Variants in MTMR10 observed in about 807,000 individuals in gnomAD.
The protein encoded by MTMR10 is myotubularin related protein 10, also known as myotubularin-related protein 10.
Under a neutral mutation model 88.1 loss-of-function variants are expected in MTMR10, and 56 were observed. That is an observed-to-expected ratio of 0.64 (90% CI 0.51 to 0.79). The LOEUF is 0.79. Among genes scored for constraint, MTMR10 ranks in the 30% least tolerant of loss-of-function variants. The pLI is 0.00. For missense variants in MTMR10, 883 were observed against 924.7 expected (o/e 0.95, Z 0.58); for synonymous variants, 380 against 340.9 (o/e 1.11, Z -1.26).
the MTMR10 span, chr15:30,929,179 C>T: frequency 6.2e-7 from 1 of 1,605,936 alleles, no homozygotes; most frequent in Non-Finnish European, 8.5e-7. Flanking sequence ...CACAGTATGA[C>T]AGCTTGCTTT....
downstream of MTMR10, among the ~76,000 whole-genome samples, chr15:30,937,888 TA>T (rs1218587495): frequency 3.3e-5 from 5 of 150,886 alleles, no homozygotes; most frequent in African/African-American, 9.7e-5. Context: ...GTTTTTTTTA[TA>T]AAAAAGTAGT....
the MTMR10 span, chr15:30,928,334 T>C: frequency 7.7e-7 from 1 of 1,301,716 alleles, no homozygotes; most frequent in African/African-American, 1.5e-5. Context: ...CTATGATTAC[T>C]AAGATTTTTG....
chr15:30,933,669 G>A, the MTMR10 span, among the ~76,000 whole-genome samples: 1 of 152,034 alleles, frequency 6.6e-6, no homozygotes, highest in Admixed American at 6.5e-5. Flanking sequence ...AGTTGTCTGT[G>A]TCCTTACTGA....
intron 2 of MTMR10, among the ~76,000 whole-genome samples, chr15:30,977,357 GCCTTTGATTC>G (rs1253610699): frequency 2.0e-5 from 3 of 152,256 alleles, no homozygotes; most frequent in Admixed American, 1.3e-4. Context: ...TCAAACCAAT[GCCTTTGATTC>G]CTTTTGTAAG....
intron 2 of MTMR10, among the ~76,000 whole-genome samples, chr15:30,987,416 T>G (rs1217357742): frequency 6.6e-6 from 1 of 152,232 alleles, no homozygotes; most frequent in African/African-American, 2.4e-5. Context: ...ATTACTAACA[T>G]AAACCACAAT....
intron 14 of MTMR10, among the ~76,000 whole-genome samples, chr15:30,945,585 G>A (rs943263065): frequency 6.6e-6 from 1 of 152,158 alleles, no homozygotes; most frequent in Admixed American, 6.5e-5. Context: ...GAGACAATGG[G>A]GAAGAGCTGA....
the MTMR10 span, among the ~76,000 whole-genome samples, chr15:30,923,507 C>G: frequency 6.6e-6 from 1 of 152,238 alleles, no homozygotes; most frequent in Non-Finnish European, 1.5e-5. Flanking sequence ...AGAGGTCTTA[C>G]TGGCCATAGC....
chr15:30,944,587 T>G (rs1188085657), intron 14 of MTMR10, among the ~76,000 whole-genome samples: 1 of 151,488 alleles, frequency 6.6e-6, no homozygotes, highest in East Asian at 1.9e-4. Flanking sequence ...AAAAAAAATT[T>G]TAGTTACTTG....
rs1354755561 is a variant in MTMR10 at position 30,985,433 on chromosome 15, G to C, written c.121+5344C>G. 1.1e-4 allele frequency among the ~76,000 whole-genome samples: 17 copies of C among 152,220 alleles called. 1 individual carries two copies. Among genetic ancestry groups the C allele is most frequent in the Admixed American group, 1.1e-3 (17 of 15,284 alleles). The stretch of plus-strand genomic sequence containing the variant: ...TTCCAAAGCATAAATCTGTACCCTA[G>C]TGTCACCAGTGCAGCCAGGTGGGCC... On this transcript the variant is annotated intron_variant, in intron 2 of 15. Transcript: ENST00000435680.
chr15:30,987,471 T>A lies in MTMR10; in HGVS notation c.121+3306A>T, dbSNP rs553460674. Among the ~76,000 whole-genome samples, 132 of 152,346 alleles carry A rather than the reference T, an allele frequency of 8.7e-4. 1 individual carries two copies. The highest frequency in any genetic ancestry group is 1.4e-3 in the Non-Finnish European group (93 of 68,034). On this transcript the variant is annotated intron_variant, in intron 2 of 15. Transcript: ENST00000435680. ...ATTTTCTTCTGTTTTCTTTACTTAA[T>A]AAAAGATGAGGATCATTTTGAAATT...
intron 6 of MTMR10, among the ~76,000 whole-genome samples, chr15:30,963,239 G>A (rs2063426945): frequency 6.6e-6 from 1 of 152,186 alleles, no homozygotes; most frequent in South Asian, 2.1e-4. Context: ...ACTGGACGGT[G>A]CTGCTCTAGA....
chr15:30,927,546 C>T, the MTMR10 span: 1 of 985,600 alleles, frequency 1.0e-6, no homozygotes, highest in Non-Finnish European at 1.2e-6. Flanking sequence ...GCTTCCTGCC[C>T]TCTGCTCTCA....
At chr15:30,933,991 G>A (rs2062786310), downstream of MTMR10, among the ~76,000 whole-genome samples, 1 of 151,916 alleles carries the variant, frequency 6.6e-6, no homozygotes, top group Admixed American at 6.6e-5. Flanking sequence ...CAAACTCCTG[G>A]GCTCCACGTT....
At chr15:30,948,219 A>T in intron 13 of MTMR10, 83 bp downstream of exon 13, 1 of 1,310,294 alleles carries the variant, frequency 7.6e-7, no homozygotes, top group Non-Finnish European at 1.0e-6. Context: ...AGTATTTTTT[A>T]AAAGCCCCTT....
At chr15:30,925,869 C>G in the MTMR10 span, 27 of 1,614,092 alleles carry the variant, frequency 1.7e-5, no homozygotes, top group African/African-American at 3.2e-4. Context: ...AGGCCGCTGA[C>G]CCCACCACGG....
chr15:30,968,576 C>CAT (rs1566960335), intron 5 of MTMR10, among the ~76,000 whole-genome samples: 2 of 140,874 alleles, frequency 1.4e-5, no homozygotes, highest in African/African-American at 5.2e-5. Context: ...CACACACACA[C>CAT]AAACTGTGTT....
chr15:30,981,742 T>C (rs1454213713), intron 2 of MTMR10, among the ~76,000 whole-genome samples: 1 of 152,206 alleles, frequency 6.6e-6, no homozygotes, highest in Non-Finnish European at 1.5e-5. Flanking sequence ...TTTGTAGTAG[T>C]ATATTTCTAT....
chr15:30,990,862 C>A (rs1487359048), intron 1 of MTMR10, 25 bp from the exon 2 acceptor site: 1 of 1,565,024 alleles, frequency 6.4e-7, no homozygotes, highest in Middle Eastern at 1.7e-4. Flanking sequence ...CAAAATAAAT[C>A]AAAATCTCAA....
the MTMR10 span, among the ~76,000 whole-genome samples, chr15:30,924,888 C>T: frequency 2.0e-5 from 3 of 152,190 alleles, no homozygotes; most frequent in Non-Finnish European, 2.9e-5. Context: ...CCACTGTCCA[C>T]CTGGATTACA....
Sources: allele counts gnomAD v4.1 joint callset (sites outside exome capture counted in the v4.1 genomes callset), GRCh38; gene constraint gnomAD v4.1.1; transcripts MANE v1.5; gene names NCBI Gene and HGNC (gene_info 2026-07-23, HGNC 2026-07-21).